Variants in TES observed in about 807,000 individuals in gnomAD.
TES encodes testin.
A neutral mutation model predicts 48.2 loss-of-function variants in TES; 41 were observed. The ratio of observed to expected loss-of-function variants is 0.85; its 90% CI spans 0.66 to 1.10. TES has a LOEUF of 1.10. TES is among the 50% of genes least tolerant of loss of function. The pLI is 0.00. For synonymous variants in TES, 162 were observed against 174.9 expected (o/e 0.93, Z 0.58); for missense variants, 463 against 515.1 (o/e 0.90, Z 0.98).
intron 2 of TES, among the ~76,000 whole-genome samples, chr7:116,248,414 A>G (rs1215968107): frequency 6.6e-6 from 1 of 152,218 alleles, no homozygotes; most frequent in African/African-American, 2.4e-5. Flanking sequence ...ATTCTCACCA[A>G]CAGTGTATAA....
rs770079016 is a variant in TES at position 116,246,874 on chromosome 7, A to ATGTGTG, written c.114-2137_114-2132dup. ...ATCACAAATGAAATTTTCTCTGTGT[A>ATGTGTG]TGTGTGTGTGTGTGATTATTTAATG... On this transcript the variant is annotated intron_variant, in intron 2 of 6. Coordinates refer to ENST00000358204, the MANE Select transcript of TES (RefSeq NM_015641.4). Among the ~76,000 whole-genome samples the ATGTGTG allele has an allele frequency of 6.3e-3, 752 of 118,566 alleles. 4 individuals carry two copies. The highest frequency in any genetic ancestry group is 9.3e-3 in the Non-Finnish European group (532 of 57,170). The allele number at this position is 118,566 out of a possible 152,430, so 77.8% of individuals were successfully genotyped here.
rs1799515473 is a variant in TES at position 116,218,145 on chromosome 7, T to C, written c.27+7411T>C. Reference sequence around the variant, plus strand: ...ATCTGCTGAATGACAGCAAAGTTACTACTCTGTAAATATACTTAATCTGAA... The same window carrying C: ...ATCTGCTGAATGACAGCAAAGTTACCACTCTGTAAATATACTTAATCTGAA... On this transcript the variant is annotated intron_variant, in intron 1 of 6. Coordinates refer to ENST00000358204, the MANE Select transcript of TES (RefSeq NM_015641.4). Among the ~76,000 whole-genome samples, 2 of 152,146 alleles carry C rather than the reference T, an allele frequency of 1.3e-5. 1 individual carries two copies. Among genetic ancestry groups the C allele is most frequent in the South Asian group, 4.1e-4 (2 of 4,822 alleles).
chr7:116,210,734 G>T lies in TES; in HGVS notation c.27G>T (p.Lys9Asn). The change falls in exon 1 of 7, where the codon AAG becomes AAT. Residue 9 changes from lysine (K) to asparagine (N), a missense_variant and splice_region_variant. Transcript: ENST00000358204. Reference sequence around the variant, plus strand: ...TGGACCTGGAAAACAAAGTGAAGAAGGTAGGGGGGCGCTCGTGGCGGGCGG... The same window carrying T: ...TGGACCTGGAAAACAAAGTGAAGAATGTAGGGGGGCGCTCGTGGCGGGCGG... MDLENKVK[K>N]MGLGHEQGFG... 8.0e-7 allele frequency: 1 copy of T among 1,246,386 alleles called. No individual in the cohort carries two copies. The highest frequency in any genetic ancestry group is 1.0e-6 in the Non-Finnish European group (1 of 985,412). The allele number at this position is 1,246,386 out of a possible 1,614,324, so 77.2% of individuals were successfully genotyped here.
At chr7:116,220,709 A>G (rs1449680511) in intron 1 of TES, among the ~76,000 whole-genome samples, 1 of 152,172 alleles carries the variant, frequency 6.6e-6, no homozygotes, top group Non-Finnish European at 1.5e-5. Context: ...ACTGCATTAA[A>G]GTTGGGTATC....
rs1252919296 is a variant in TES at position 116,250,290 on chromosome 7, G to A, written c.496G>A (p.Glu166Lys). 6.2e-7 allele frequency: 1 copy of A among 1,613,754 alleles called. No homozygotes were observed. Among genetic ancestry groups the A allele is most frequent in the Non-Finnish European group, 8.5e-7 (1 of 1,179,912 alleles). Residue 166 changes from glutamate (E) to lysine (K), a missense_variant, in exon 4 of 7, where the codon GAG (glutamate) becomes AAG (lysine). Glu to Lys is a moderately conservative substitution (Grantham distance 56). Coordinates refer to ENST00000358204, the MANE Select transcript of TES (RefSeq NM_015641.4). ...TGACCAGGACCCTTCAAAGTGCCAT[G>A]AGTTGTCTCCCAGAGAGGTGAAGGA... ...AHDQDPSKCHELSPREVKEME... is the reference protein window; with the variant it reads ...AHDQDPSKCHKLSPREVKEME...
intron 1 of TES, among the ~76,000 whole-genome samples, chr7:116,227,088 TTTTATTTATTTA>T (rs10562977): frequency 0.48 from 66,830 of 140,018 alleles, 15,976 homozygotes; most frequent in East Asian, 0.69. Flanking sequence ...ACACTTTTTA[TTTTATTTATTTA>T]TTTATTTATT....
At chr7:116,240,517 G>C (rs192503305) in intron 2 of TES, among the ~76,000 whole-genome samples, 71 of 151,720 alleles carry the variant, frequency 4.7e-4, no homozygotes, top group African/African-American at 1.7e-3. Context: ...ATTAATGTTT[G>C]CATATATATG....
chr7:116,229,274 A>G (rs73719143), intron 1 of TES, among the ~76,000 whole-genome samples: 18,196 of 151,806 alleles, frequency 0.12, 1,099 homozygotes, highest in South Asian at 0.19. Flanking sequence ...CAGCCCAGAC[A>G]TCTGTAGACA....
chr7:116,257,415 G>A lies in TES; in HGVS notation c.1199G>A (p.Gly400Glu). 2 of 1,614,004 alleles carry A rather than the reference G, an allele frequency of 1.2e-6. No individual in the cohort carries two copies. Among genetic ancestry groups the A allele is most frequent in the Non-Finnish European group, 1.7e-6 (2 of 1,179,984 alleles). Residue 400 changes from glycine to glutamate, a missense_variant, in exon 7 of 7, where the codon GGG (glycine) becomes GAG (glutamate). Coordinates refer to ENST00000358204, the MANE Select transcript of TES (RefSeq NM_015641.4). ...LCSCCSKCLI[G>E]QKFMPVEGMV... is the part of the protein sequence containing the mutation. The stretch of plus-strand genomic sequence containing the variant: ...TCTTGCTGCAGCAAATGCCTCATTG[G>A]GCAGAAGTTCATGCCAGTAGAAGGG...
rs150667424 is a variant in TES, at chr7:116,250,002, C to T, written c.367-159C>T. 1,241 of 443,164 alleles carry T rather than the reference C, an allele frequency of 2.8e-3. 30 individuals carry two copies. The East Asian group carries it at 0.038, about 14-fold the overall frequency. 27.5% of individuals were successfully genotyped at this position (443,164 alleles called of 1,614,324 possible). ...ACCCAACTAAATCTATTTAGTGTAC[C>T]GTTTTTGAGTTTTAACTTCTTAATA... is the stretch of plus-strand genomic sequence containing the variant. On this transcript the variant is annotated intron_variant, in intron 3 of 6. Transcript: ENST00000358204.
intron 2 of TES, chr7:116,244,024 G>C (rs2204678): frequency 0.64 from 97,132 of 151,972 alleles, 31,305 homozygotes; most frequent in African/African-American, 0.71. Flanking sequence ...AGGGTAACAG[G>C]CCCCATGATT....
Position 116,234,606 on chromosome 7 carries a change from C to T in TES, c.100C>T (p.Leu34=). ...CAAAGAAAAATGTGAAGGATTCGAA[C>T]TGCACTTCTGGAGGTATTGTTTTGA... ...KCKEKCEGFE[L]HFWRKICRNC... The change falls in exon 2 of 7, where the codon CTG becomes TTG. Residue 34 remains leucine, a synonymous_variant. Coordinates refer to ENST00000358204, the MANE Select transcript of TES (RefSeq NM_015641.4). 6.2e-7 allele frequency: 1 copy of T among 1,613,772 alleles called. No individual in the cohort carries two copies. The highest frequency in any genetic ancestry group is 8.5e-7 in the Non-Finnish European group (1 of 1,179,746).
intron 4 of TES, 78 bp from the exon 5 acceptor site, chr7:116,251,682 C>CAAA: frequency 1.6e-5 from 17 of 1,072,164 alleles, no homozygotes; most frequent in Admixed American, 4.5e-5. Flanking sequence ...GACTCAGTCT[C>CAAA]AAAAAAAAAA....
In TES at chr7:116,257,631, T is replaced by G; in HGVS notation, c.*149T>G. 1 of 731,536 alleles carries G rather than the reference T, an allele frequency of 1.4e-6. No individual in the cohort carries two copies. Among genetic ancestry groups the G allele is most frequent in the East Asian group, 3.4e-5 (1 of 29,756 alleles). 45.3% of individuals were successfully genotyped at this position (731,536 alleles called of 1,614,324 possible). A position where few individuals can be genotyped will look rare whatever the true frequency, so the allele number is the denominator to read the frequency against. On this transcript the variant is annotated 3_prime_UTR_variant, in exon 7 of 7. Transcript: ENST00000358204. ...GTTTAATTTTTTTGGCCATTTTTTC[T>G]TCATCAATTTTTTTTCGGTCTCAAC... is the stretch of plus-strand genomic sequence containing the variant.
Position 116,226,483 on chromosome 7 carries a change from G to A in TES, c.28-8051G>A, listed in dbSNP as rs568080048. On this transcript the variant is annotated intron_variant, in intron 1 of 6. Coordinates refer to ENST00000358204, the MANE Select transcript of TES (RefSeq NM_015641.4). The stretch of plus-strand genomic sequence containing the variant: ...AAAAGCTCCGCTTAAAACAGAGAGC[G>A]GCTGGAGGGGAGTGGTGTGAGGAAG... Among the ~76,000 whole-genome samples, 5 of 152,300 alleles carry A rather than the reference G, an allele frequency of 3.3e-5. 1 individual carries two copies. The highest frequency in any genetic ancestry group is 2.1e-4 in the South Asian group (1 of 4,824).
At chr7:116,243,582 T>A (rs938860646) in intron 2 of TES, among the ~76,000 whole-genome samples, 3 of 152,236 alleles carry the variant, frequency 2.0e-5, no homozygotes, top group Non-Finnish European at 4.4e-5. Flanking sequence ...CTGTGATATC[T>A]TTACCTTGTC....
Position 116,252,488 on chromosome 7 carries a change from T to C in TES, c.1077+12T>C, listed in dbSNP as rs1371681289. The C allele has an allele frequency of 1.2e-6, 2 of 1,614,068 alleles. No homozygotes were observed. The highest frequency in any genetic ancestry group is 1.3e-5 in the African/African-American group (1 of 74,938). On this transcript the variant is annotated intron_variant, in intron 6 of 6. Coordinates refer to ENST00000358204, the MANE Select transcript of TES (RefSeq NM_015641.4). ...AGAATCACGCTGTGGTGAGAAGTGT[T>C]CTAAGGATATGGTTGCCTCAGCCTG...
intron 2 of TES, among the ~76,000 whole-genome samples, chr7:116,235,146 T>G (rs898802796): frequency 4.6e-5 from 7 of 152,228 alleles, no homozygotes; most frequent in African/African-American, 1.7e-4. Flanking sequence ...AGATGGGGTT[T>G]CGCCATGTTG....
chr7:116,212,755 C>T (rs1229468103), intron 1 of TES, among the ~76,000 whole-genome samples: 5 of 151,860 alleles, frequency 3.3e-5, no homozygotes. Context: ...TAAATAATGC[C>T]CTTGACATAT....
Sources: allele counts gnomAD v4.1 joint callset (sites outside exome capture counted in the v4.1 genomes callset), GRCh38; gene constraint gnomAD v4.1.1; transcripts MANE v1.5; gene names NCBI Gene and HGNC (gene_info 2026-07-23, HGNC 2026-07-21).